The following PTPRD variants were observed in gnomAD, a reference collection of about 807,000 sequenced individuals.
PTPRD encodes protein tyrosine phosphatase receptor type D.
In PTPRD, 34 loss-of-function variants were observed where a neutral mutation model predicts 214.5. The ratio of observed to expected loss-of-function variants is 0.16; its 90% CI spans 0.12 to 0.21. The LOEUF (loss-of-function observed/expected upper bound fraction) is 0.21. Ranked by LOEUF, PTPRD falls within the 10% of genes least tolerant of loss-of-function variation. The pLI is 1.00. For synonymous variants in PTPRD, 1,128 were observed against 845.7 expected, an observed-to-expected ratio of 1.33 and a Z score of -5.79; for missense variants, 2,545 against 2,398.7, an observed-to-expected ratio of 1.06 and a Z score of -1.27.
At chr9:10,020,380 C>T (rs536762664) in intron 4 of PTPRD, among the ~76,000 whole-genome samples, 9 of 148,510 alleles carry the variant, frequency 6.1e-5, no homozygotes, top group African/African-American at 1.5e-4. Flanking sequence ...CGGCTCACTG[C>T]GACCTCCACT....
At chr9:10,592,312 C>G (rs978420520) in intron 2 of PTPRD, among the ~76,000 whole-genome samples, 1 of 151,864 alleles carries the variant, frequency 6.6e-6, no homozygotes, top group East Asian at 1.9e-4. Flanking sequence ...AATGCAGCAG[C>G]CAATTTAATT....
chr9:9,746,747 A>C (rs2154460564), intron 6 of PTPRD, among the ~76,000 whole-genome samples: 1 of 152,048 alleles, frequency 6.6e-6, no homozygotes, highest in African/African-American at 2.4e-5. Flanking sequence ...CACGCTCTGT[A>C]GGAATGTCCA....
intron 14 of PTPRD, among the ~76,000 whole-genome samples, chr9:8,539,027 G>A (rs1009339299): frequency 6.6e-6 from 1 of 151,692 alleles, no homozygotes; most frequent in African/African-American, 2.4e-5. Flanking sequence ...AAGAATGAAA[G>A]GTATATACTA....
rs562267147 is a variant in PTPRD, at chr9:10,471,019, C to T, written c.-599-130002G>A. Among the ~76,000 whole-genome samples, 13 of 152,170 alleles carry T rather than the reference C, an allele frequency of 8.5e-5. No individual in the cohort carries two copies. In the South Asian group the frequency reaches 2.5e-3, roughly 29 times the overall value. On this transcript the variant is annotated intron_variant, in intron 2 of 45. Coordinates refer to ENST00000381196, the MANE Select transcript of PTPRD (RefSeq NM_002839.4). ...TGCAGGACATGGATGAAGCTGGAAA[C>T]ATCATTCTCAGCAAACTAACACAGG...
At chr9:8,603,545 C>T (rs1429673873) in intron 14 of PTPRD, among the ~76,000 whole-genome samples, 1 of 152,112 alleles carries the variant, frequency 6.6e-6, no homozygotes, top group Non-Finnish European at 1.5e-5. Context: ...AACCTTAGCA[C>T]CCCAAGCACC....
chr9:8,628,467 T>A (rs1347493245), intron 14 of PTPRD, among the ~76,000 whole-genome samples: 2 of 151,790 alleles, frequency 1.3e-5, no homozygotes, highest in Non-Finnish European at 2.9e-5. Flanking sequence ...ACTATCTCAG[T>A]AACAGTCACC....
At chr9:8,818,280 C>A (rs1023307696) in intron 11 of PTPRD, among the ~76,000 whole-genome samples, 1 of 152,106 alleles carries the variant, frequency 6.6e-6, no homozygotes, top group East Asian at 1.9e-4. Flanking sequence ...GGAAAATTTA[C>A]AATCTATATT....
At chr9:8,328,651 C>T (rs571819461) in intron 44 of PTPRD, among the ~76,000 whole-genome samples, 3 of 152,058 alleles carry the variant, frequency 2.0e-5, no homozygotes, top group Admixed American at 1.3e-4. Context: ...TTCTCCCCTT[C>T]ACTTTCAGGT....
At chr9:9,221,092 T>C (rs1035700993) in intron 9 of PTPRD, among the ~76,000 whole-genome samples, 1 of 152,042 alleles carries the variant, frequency 6.6e-6, no homozygotes, top group African/African-American at 2.4e-5. Flanking sequence ...ATCAACCAGG[T>C]ACAACTTTTT....
At chr9:8,484,958 A>T (rs988342337) in intron 29 of PTPRD, among the ~76,000 whole-genome samples, 28 of 152,228 alleles carry the variant, frequency 1.8e-4, no homozygotes, top group African/African-American at 6.8e-4. Context: ...AAACAAAAGC[A>T]CTAGCTTAGA....
intron 10 of PTPRD, among the ~76,000 whole-genome samples, chr9:9,143,937 C>T (rs1394493477): frequency 6.6e-6 from 1 of 152,196 alleles, no homozygotes. Context: ...CTCATGTGAT[C>T]ATTCATCCAG....
At chr9:8,851,000 T>G (rs1486486992) in intron 11 of PTPRD, among the ~76,000 whole-genome samples, 1 of 152,210 alleles carries the variant, frequency 6.6e-6, no homozygotes, top group African/African-American at 2.4e-5. Flanking sequence ...TTTCTCCCTG[T>G]AAAATTGTAC....
intron 3 of PTPRD, among the ~76,000 whole-genome samples, chr9:10,157,609 G>C (rs544105575): frequency 6.6e-4 from 100 of 152,060 alleles, no homozygotes; most frequent in African/African-American, 2.4e-3. Flanking sequence ...ATAATTATGT[G>C]ACTTGGAAAT....
intron 6 of PTPRD, among the ~76,000 whole-genome samples, chr9:9,746,141 C>T (rs1272066285): frequency 1.3e-5 from 2 of 151,808 alleles, no homozygotes; most frequent in Non-Finnish European, 2.9e-5. Flanking sequence ...TATGAAAGAA[C>T]AAATAAAGAC....
chr9:10,430,332 G>A (rs1037872451), intron 2 of PTPRD, among the ~76,000 whole-genome samples: 1 of 151,778 alleles, frequency 6.6e-6, no homozygotes, highest in East Asian at 1.9e-4. Context: ...ACTAATTAAT[G>A]TAAATCTATA....
At chr9:9,104,851 C>T (rs761458071) in intron 10 of PTPRD, among the ~76,000 whole-genome samples, 6 of 152,090 alleles carry the variant, frequency 3.9e-5, no homozygotes, top group Non-Finnish European at 8.8e-5. Context: ...TCCTGAACTG[C>T]AAGAATTGAT....
chr9:10,412,659 C>T (rs2098448934), intron 2 of PTPRD, among the ~76,000 whole-genome samples: 1 of 149,334 alleles, frequency 6.7e-6, no homozygotes, highest in Non-Finnish European at 1.5e-5. Context: ...CACACACACA[C>T]ACACACCCCT....
intron 10 of PTPRD, among the ~76,000 whole-genome samples, chr9:9,058,115 G>A (rs935501593): frequency 1.8e-4 from 27 of 152,088 alleles, no homozygotes; most frequent in African/African-American, 6.5e-4. Context: ...TTTGGAAAGA[G>A]AAGTCTTCCA....
chr9:10,540,060 G>T (rs978292152), intron 2 of PTPRD, among the ~76,000 whole-genome samples: 1 of 152,112 alleles, frequency 6.6e-6, no homozygotes, highest in African/African-American at 2.4e-5. Context: ...GTGGAGTCTT[G>T]CTCTGTTATT....
Sources: allele counts gnomAD v4.1 joint callset (sites outside exome capture counted in the v4.1 genomes callset), GRCh38; gene constraint gnomAD v4.1.1; transcripts MANE v1.5; gene names NCBI Gene and HGNC (gene_info 2026-07-23, HGNC 2026-07-21).